The following TTC21A variants were observed in gnomAD, a reference collection of about 807,000 sequenced individuals.
TTC21A encodes the protein tetratricopeptide repeat domain 21A, also known as tetratricopeptide repeat protein 21A.
In TTC21A, 128 loss-of-function variants were observed where a neutral mutation model predicts 156.4. That is an observed-to-expected ratio of 0.82 (90% CI 0.71 to 0.95). TTC21A has a LOEUF of 0.95. Ranked by LOEUF, TTC21A falls within the 40% of genes least tolerant of loss-of-function variation. The probability of loss-of-function intolerance (pLI) is 0.00; values close to 1 mark genes in which losing one functional copy is unlikely to be tolerated. For synonymous variants in TTC21A, 587 were observed against 617.1 expected, an observed-to-expected ratio of 0.95 and a Z score of 0.72; for missense variants, 1,435 against 1,602.3, an observed-to-expected ratio of 0.90 and a Z score of 1.78.
chr3:39,137,854 G>A (rs1473975871), intron 26 of TTC21A, 144 bp downstream of exon 26: 19 of 847,232 alleles, frequency 2.2e-5, no homozygotes, highest in African/African-American at 8.4e-5. Flanking sequence ...GCACATGGGC[G>A]ACAGACCAGA....
In TTC21A at chr3:39,116,570, G is replaced by A. The variant is rs548409345; in HGVS notation, c.717-1499G>A. On this transcript the variant is annotated intron_variant, in intron 6 of 28. Transcript: ENST00000683103. The stretch of plus-strand genomic sequence containing the variant: ...AGTTCACTGCAGCCTCGAACCCCTG[G>A]GCTCAAGTGATCCTCCCAACTCAGC... Among the ~76,000 whole-genome samples, 34 of 151,822 alleles carry A rather than the reference G, an allele frequency of 2.2e-4. 1 individual carries two copies. Among genetic ancestry groups the A allele is most frequent in the African/African-American group, 7.7e-4 (32 of 41,298 alleles).
Position 39,138,673 on chromosome 3 carries a change from C to G in TTC21A, c.3865-38C>G, listed in dbSNP as rs200116530. The G allele has an allele frequency of 1.1e-5, 17 of 1,613,742 alleles. No homozygotes were observed. The East Asian group carries it at 3.6e-4, about 34-fold the overall frequency. On this transcript the variant is annotated intron_variant, in intron 28 of 28. Transcript: ENST00000683103. ...GGGCCTGGTGTAGTGGTGGGGAAACCTGCATGATACTGCACACCCATTCTC... is the reference window on the plus strand; with the variant it reads ...GGGCCTGGTGTAGTGGTGGGGAAACGTGCATGATACTGCACACCCATTCTC...
chr3:39,138,522 G>C (rs772738473), intron 27 of TTC21A, 34 bp from the exon 28 acceptor site: 1 of 1,614,124 alleles, frequency 6.2e-7, no homozygotes, highest in South Asian at 1.1e-5. Flanking sequence ...GGTCACCAGG[G>C]TGCCACCATC....
At position 39,130,115 on chromosome 3, in the gene TTC21A, C is replaced by T; in HGVS notation, c.2172C>T (p.Ser724=). ...LCEHLPGPHT[S]LLLGDALMSI... ...AACATCTGCCTGGCCCCCACACCAG[C>T]CTGCTACTGGGCGATGCCTTAATGA... is the stretch of plus-strand genomic sequence containing the variant. The change falls in exon 16 of 29, where the codon AGC becomes AGT. Residue 724 remains serine (S), a synonymous_variant. Transcript: ENST00000683103. The surrounding 1 kb of genome is among the most constrained non-coding windows in gnomAD (Gnocchi z 4.5). 1 of 1,614,154 alleles carries T rather than the reference C, an allele frequency of 6.2e-7. No individual in the cohort carries two copies. The highest frequency in any genetic ancestry group is 8.5e-7 in the Non-Finnish European group (1 of 1,180,040).
rs1409969253 is a variant in TTC21A at position 39,135,102 on chromosome 3, G to A, written c.2872G>A (p.Asp958Asn). The A allele has an allele frequency of 1.9e-6, 3 of 1,613,628 alleles. No individual in the cohort carries two copies. Among genetic ancestry groups the A allele is most frequent in the Non-Finnish European group, 2.5e-6 (3 of 1,179,968 alleles). Reference protein sequence around the residue: ...NHETASVLMADLMFRKQKHEA... With the variant: ...NHETASVLMANLMFRKQKHEA... Reference sequence around the variant, plus strand: ...GTGTGTTTTCTGATAGTTGATGGCTGACCTGATGTTTAGAAAACAGAAACA... The same window carrying A: ...GTGTGTTTTCTGATAGTTGATGGCTAACCTGATGTTTAGAAAACAGAAACA... The change falls in exon 22 of 29, where the codon GAC becomes AAC. Residue 958 changes from aspartate (D) to asparagine (N), a missense_variant. Transcript: ENST00000683103.
chr3:39,126,349 T>C lies in TTC21A; in HGVS notation c.1481T>C (p.Ile494Thr), dbSNP rs1190253311. The C allele has an allele frequency of 2.5e-6, 4 of 1,613,966 alleles. No individual in the cohort carries two copies. The South Asian group carries it at 3.3e-5, about 13-fold the overall frequency. ...GTAGTCAAAGCAGCACCAGCTCTGA[T>C]CGACCCCCTGTATTTGATGGCTCAG... is the stretch of plus-strand genomic sequence containing the variant. Reference protein sequence around the residue: ...NPVVKAAPALIDPLYLMAQVR... With the variant: ...NPVVKAAPALTDPLYLMAQVR... The change falls in exon 12 of 29, where the codon ATC becomes ACC. Residue 494 changes from isoleucine to threonine, a missense_variant. Ile to Thr is a moderately conservative substitution (Grantham distance 89, BLOSUM62 -1). Transcript: ENST00000683103.
Position 39,131,030 on chromosome 3 carries a change from C to G in TTC21A, c.2497C>G (p.Leu833Val), listed in dbSNP as rs1266433275. The G allele has an allele frequency of 6.2e-7, 1 of 1,613,700 alleles. No homozygotes were observed. Among genetic ancestry groups the G allele is most frequent in the Non-Finnish European group, 8.5e-7 (1 of 1,180,018 alleles). The change falls in exon 19 of 29, where the codon CTG becomes GTG. Residue 833 changes from leucine to valine, a missense_variant. By Grantham distance (32) the Leu-to-Val change is conservative. Coordinates refer to ENST00000683103, the MANE Select transcript of TTC21A (RefSeq NM_001366900.1). ...ATCCATGATGAATGATGTTAAGTGC[C>G]TGCTTTTGCTGGCAAAGGTTTACAA... ...IPSMMNDVKC[L>V]LLLAKVYKSH...
At chr3:39,114,909 G>A (rs2037149664) in intron 6 of TTC21A, among the ~76,000 whole-genome samples, 167 bp downstream of exon 6, 1 of 152,160 alleles carries the variant, frequency 6.6e-6, no homozygotes, top group African/African-American at 2.4e-5. Flanking sequence ...ATGGGTGCAA[G>A]CAAATGAAAT....
Position 39,129,218 on chromosome 3 carries a change from C to G in TTC21A, c.2043C>G (p.Pro681=). Residue 681 remains proline (P), a synonymous_variant, in exon 15 of 29, where the codon CCC becomes CCG. Transcript: ENST00000683103. ...TGAACATGCTAAGGAACATCTTGCC[C>G]AAGCAGTCCTGCTATATGGAAGCCA... ...VALNMLRNIL[P]KQSCYMEARE... The G allele has an allele frequency of 6.2e-7, 1 of 1,614,188 alleles. No homozygotes were observed. Among genetic ancestry groups the G allele is most frequent in the Non-Finnish European group, 8.5e-7 (1 of 1,180,036 alleles).
intron 8 of TTC21A, among the ~76,000 whole-genome samples, chr3:39,120,276 C>T (rs765631043): frequency 6.6e-6 from 1 of 152,132 alleles, no homozygotes; most frequent in Non-Finnish European, 1.5e-5. Context: ...TCTGAAAGTG[C>T]TTTTGGAGTG....
At chr3:39,108,062 T>C in intron 1 of TTC21A, 198 bp downstream of exon 1, 1 of 609,872 alleles carries the variant, frequency 1.6e-6, no homozygotes, top group Non-Finnish European at 2.9e-6. Flanking sequence ...CAAATTAGCA[T>C]CCCCGTTTCT....
intron 4 of TTC21A, 152 bp downstream of exon 4, chr3:39,111,169 C>T (rs993705430): frequency 2.4e-5 from 18 of 763,530 alleles, no homozygotes; most frequent in African/African-American, 1.9e-4. Flanking sequence ...TTGCCCCACG[C>T]GTGTTGTCTC....
intron 4 of TTC21A, among the ~76,000 whole-genome samples, chr3:39,111,987 C>T (rs909500134): frequency 7.9e-5 from 12 of 152,172 alleles, no homozygotes; most frequent in Non-Finnish European, 1.5e-4. Flanking sequence ...TGCTCACCCA[C>T]TCAGAGGGCA....
chr3:39,111,716 G>C (rs769108156), intron 4 of TTC21A, among the ~76,000 whole-genome samples: 1 of 152,078 alleles, frequency 6.6e-6, no homozygotes, highest in Admixed American at 6.5e-5. Context: ...ACACAGATAC[G>C]GTATATCTGA....
chr3:39,130,606 G>T lies in TTC21A; in HGVS notation c.2320-95G>T. Reference sequence around the variant, plus strand: ...TTTCACTTTAGGCTATGTTCTGGAGGGGCACACTGGTGTGATGGCTGCTGA... The same window carrying T: ...TTTCACTTTAGGCTATGTTCTGGAGTGGCACACTGGTGTGATGGCTGCTGA... On this transcript the variant is annotated intron_variant, in intron 17 of 28. Coordinates refer to ENST00000683103, the MANE Select transcript of TTC21A (RefSeq NM_001366900.1). This position sits in a 1 kb window ranked among gnomAD's most constrained non-coding sequence, Gnocchi z 4.5. 1 of 1,487,704 alleles carries T rather than the reference G, an allele frequency of 6.7e-7. No homozygotes were observed. The highest frequency in any genetic ancestry group is 1.2e-5 in the South Asian group (1 of 81,696). 92.2% of individuals were successfully genotyped at this position (1,487,704 alleles called of 1,614,324 possible). A position where few individuals can be genotyped will look rare whatever the true frequency, so the allele number is the denominator to read the frequency against.
intron 8 of TTC21A, 93 bp downstream of exon 8, chr3:39,120,113 T>A (rs2037634891): frequency 4.6e-6 from 4 of 872,116 alleles, no homozygotes; most frequent in African/African-American, 1.8e-5. Context: ...TTGAGTGCCT[T>A]ACCCCTCCCT....
Position 39,110,270 on chromosome 3 carries a change from A to G in TTC21A, c.268+131A>G, listed in dbSNP as rs371535866. 1.6e-5 allele frequency: 12 copies of G among 732,768 alleles called. No individual in the cohort carries two copies. The African/African-American group carries it at 2.1e-4, about 13-fold the overall frequency. The allele number at this position is 732,768 out of a possible 1,614,324, so 45.4% of individuals were successfully genotyped here. On this transcript the variant is annotated intron_variant, in intron 3 of 28. Transcript: ENST00000683103. ...GGTGGCTGTGCAGATGCTGTTAACC[A>G]GTGAGAAGTGGCTGCTGCTCCTCTC...
intron 5 of TTC21A, among the ~76,000 whole-genome samples, chr3:39,113,588 C>T (rs1230377993): frequency 6.6e-6 from 1 of 152,178 alleles, no homozygotes; most frequent in African/African-American, 2.4e-5. Flanking sequence ...CTCTCCTGCT[C>T]CTGATGGTAG....
intron 12 of TTC21A, among the ~76,000 whole-genome samples, chr3:39,127,383 G>A (rs2038357316): frequency 6.6e-6 from 1 of 152,184 alleles, no homozygotes; most frequent in South Asian, 2.1e-4. Context: ...ATGTTCATTT[G>A]GGTGCCAGGT....
Sources: gnomAD v4.1 joint callset for allele counts (sites outside exome capture counted in the v4.1 genomes callset) on GRCh38, gnomAD v4.1.1 for gene constraint, Gnocchi (gnomAD v3.1) non-coding constraint, MANE v1.5 for transcripts, NCBI Gene and HGNC (gene_info 2026-07-23, HGNC 2026-07-21) for gene names.